KAZN: variants seen among roughly 807,000 people sequenced by gnomAD.
KAZN encodes the protein kazrin.
A neutral mutation model predicts 87.4 loss-of-function variants in KAZN; 40 were observed. The observed-to-expected ratio is 0.46, with a 90% CI of 0.36 to 0.60. The LOEUF (loss-of-function observed/expected upper bound fraction) is 0.60, where lower values mean the gene tolerates loss of function less well. Ranked by LOEUF, KAZN falls within the 20% of genes least tolerant of loss-of-function variation. The probability of loss-of-function intolerance (pLI) is 0.00; values close to 1 mark genes in which losing one functional copy is unlikely to be tolerated. For synonymous variants in KAZN, 466 were observed against 458.3 expected (o/e 1.02, Z -0.22); for missense variants, 898 against 1,073.9 (o/e 0.84, Z 2.29).
rs1640714871 is a variant in KAZN, at chr1:15,094,552, T to C, written c.1428+167T>C. On this transcript the variant is annotated intron_variant, in intron 9 of 14. Coordinates refer to ENST00000376030, the MANE Select transcript of KAZN (RefSeq NM_201628.3). This position sits in a 1 kb window ranked among gnomAD's most constrained non-coding sequence, Gnocchi z 4.5. ...GATGTACCTGCTCATTGTGCCTCCC[T>C]GGCAAGGCAGAGAGCCCTCAGCTGC... 6.6e-6 allele frequency among the ~76,000 whole-genome samples: 1 copy of C among 152,196 alleles called. No homozygotes were observed. The highest frequency in any genetic ancestry group is 2.4e-5 in the African/African-American group (1 of 41,452).
chr1:14,075,461 CA>C (rs1200475747), intron 1 of KAZN, among the ~76,000 whole-genome samples: 2 of 151,796 alleles, frequency 1.3e-5, no homozygotes, highest in African/African-American at 4.8e-5. Flanking sequence ...CATCAAGGTG[CA>C]AAAAATAAAA....
intron 2 of KAZN, among the ~76,000 whole-genome samples, chr1:14,371,772 C>T (rs570819096): frequency 6.6e-6 from 1 of 152,166 alleles, no homozygotes; most frequent in Non-Finnish European, 1.5e-5. Flanking sequence ...TCTTGCCCTC[C>T]AAAGAAACCA....
chr1:15,060,139 ATCCCTCACTCACCAGCTG>A lies in KAZN; in HGVS notation c.917-27_917-10del. On this transcript the variant is annotated splice_polypyrimidine_tract_variant and intron_variant, in intron 5 of 14. Transcript: ENST00000376030. Reference sequence around the variant, plus strand: ...CAGCACAGGCGAGGACGTTCTCTCCATCCCTCACTCACCAGCTGTCCCTGCTTTCCAGCGGTCAGGGTG... The same window carrying A: ...CAGCACAGGCGAGGACGTTCTCTCCATCCCTGCTTTCCAGCGGTCAGGGTG... 6.2e-7 allele frequency: 1 copy of A among 1,613,392 alleles called. No homozygotes were observed. Among genetic ancestry groups the A allele is most frequent in the Non-Finnish European group, 8.5e-7 (1 of 1,179,506 alleles).
At chr1:14,635,369 C>A (rs1452131572) in intron 1 of KAZN, among the ~76,000 whole-genome samples, 1 of 152,144 alleles carries the variant, frequency 6.6e-6, no homozygotes. Flanking sequence ...GGCACTTGCC[C>A]GTGGATGTGA....
At chr1:14,612,634 G>A (rs1677909735) in intron 1 of KAZN, among the ~76,000 whole-genome samples, 1 of 152,128 alleles carries the variant, frequency 6.6e-6, no homozygotes, top group South Asian at 2.1e-4. Flanking sequence ...TTCATGCAGG[G>A]GTCCTTGACC....
intron 2 of KAZN, among the ~76,000 whole-genome samples, chr1:14,431,690 C>G (rs1666080616): frequency 6.6e-6 from 1 of 152,170 alleles, no homozygotes; most frequent in Non-Finnish European, 1.5e-5. Context: ...CCTTCTTCTT[C>G]CTGCCTTGAA....
At chr1:14,713,775 CAAAAAAAAAAAA>C (rs58947119) in intron 1 of KAZN, among the ~76,000 whole-genome samples, 2 of 94,636 alleles carry the variant, frequency 2.1e-5, no homozygotes, top group Non-Finnish European at 3.9e-5. Context: ...CTCATCTCTA[CAAAAAAAAAAAA>C]AAAAAAAAAA....
Position 15,114,535 on chromosome 1 carries a change from G to A in KAZN, c.2228G>A (p.Gly743Asp). 6.2e-7 allele frequency: 1 copy of A among 1,611,396 alleles called. No individual in the cohort carries two copies. The change falls in exon 15 of 15, where the codon GGC becomes GAC. Residue 743 changes from glycine (G) to aspartate (D), a missense_variant. Coordinates refer to ENST00000376030, the MANE Select transcript of KAZN (RefSeq NM_201628.3). ...SKDPDFHDDY[G>D]SLQNEDCGDD... is the part of the protein sequence containing the mutation. ...GATCCCGATTTCCATGATGACTATGGCTCTCTTCAAAACGAAGATTGCGGA... is the reference window on the plus strand; with the variant it reads ...GATCCCGATTTCCATGATGACTATGACTCTCTTCAAAACGAAGATTGCGGA...
chr1:14,161,064 A>C (rs916620388), intron 1 of KAZN, among the ~76,000 whole-genome samples: 1 of 152,248 alleles, frequency 6.6e-6, no homozygotes, highest in African/African-American at 2.4e-5. Flanking sequence ...AAGAAAGCAC[A>C]GACAGAATTA....
intron 2 of KAZN, among the ~76,000 whole-genome samples, chr1:14,410,861 G>A (rs1325070748): frequency 6.6e-6 from 1 of 152,306 alleles, no homozygotes; most frequent in East Asian, 1.9e-4. Flanking sequence ...CAGAGCCTCC[G>A]GAGGGAGCAC....
At chr1:14,342,453 T>A (rs1284453167) in intron 2 of KAZN, among the ~76,000 whole-genome samples, 1 of 152,214 alleles carries the variant, frequency 6.6e-6, no homozygotes, top group East Asian at 1.9e-4. Context: ...ATGGCACGTA[T>A]TCTTGCTTTT....
intron 2 of KAZN, among the ~76,000 whole-genome samples, chr1:14,558,120 T>A (rs1259651407): frequency 6.6e-6 from 1 of 152,202 alleles, no homozygotes; most frequent in Non-Finnish European, 1.5e-5. Flanking sequence ...AGTCACAGAT[T>A]AAAACAATGC....
At chr1:15,051,624 C>G (rs1172371480) in intron 4 of KAZN, among the ~76,000 whole-genome samples, 2 of 152,188 alleles carry the variant, frequency 1.3e-5, no homozygotes, top group Non-Finnish European at 2.9e-5. Context: ...GTCATTATCC[C>G]CGTTAGACAG....
intron 2 of KAZN, among the ~76,000 whole-genome samples, chr1:14,407,374 C>T (rs140494312): frequency 1.9e-4 from 29 of 152,298 alleles, no homozygotes; most frequent in Admixed American, 1.0e-3. Flanking sequence ...AGATATTGTT[C>T]TGCTGGTCAT....
chr1:14,396,827 C>A (rs1022534487), intron 2 of KAZN, among the ~76,000 whole-genome samples: 2 of 152,088 alleles, frequency 1.3e-5, no homozygotes, highest in Non-Finnish European at 2.9e-5. Flanking sequence ...TTGAAAAAGT[C>A]CTGTCACCTA....
intron 2 of KAZN, among the ~76,000 whole-genome samples, chr1:15,013,822 A>T (rs1009030862): frequency 3.3e-5 from 5 of 150,868 alleles, no homozygotes; most frequent in African/African-American, 4.9e-5. Flanking sequence ...GTGACTGAGG[A>T]GCTGAAGGAG....
chr1:14,324,100 TG>T (rs1465039170), intron 2 of KAZN, among the ~76,000 whole-genome samples: 5 of 152,188 alleles, frequency 3.3e-5, no homozygotes, highest in Non-Finnish European at 7.3e-5. Flanking sequence ...TTCGTCTAAA[TG>T]TGTATGTTCA....
intron 2 of KAZN, among the ~76,000 whole-genome samples, chr1:15,002,715 C>T (rs1408576735): frequency 6.6e-6 from 1 of 151,872 alleles, no homozygotes; most frequent in African/African-American, 2.4e-5. Context: ...GTAGCTCACA[C>T]CTGTAATCCC....
At chr1:14,147,504 C>T (rs1645377941) in intron 1 of KAZN, among the ~76,000 whole-genome samples, 1 of 152,128 alleles carries the variant, frequency 6.6e-6, no homozygotes, top group African/African-American at 2.4e-5. Context: ...ATTAAAACGT[C>T]ACTGCAGGGC....
Sources: allele counts gnomAD v4.1 joint callset (sites outside exome capture counted in the v4.1 genomes callset), GRCh38; gene constraint gnomAD v4.1.1; non-coding constraint Gnocchi (gnomAD v3.1); transcripts MANE v1.5; gene names NCBI Gene and HGNC (gene_info 2026-07-23, HGNC 2026-07-21).